Variants in ADAM12 observed in about 807,000 individuals in gnomAD.
ADAM12 encodes ADAM metallopeptidase domain 12.
ADAM12 carries 70 observed loss-of-function variants against 106.4 expected under a neutral mutation model. The observed-to-expected ratio is 0.66, with a 90% confidence interval of 0.54 to 0.80. ADAM12 has a LOEUF of 0.80. Among genes scored for constraint, ADAM12 ranks in the 30% least tolerant of loss-of-function variants. The probability of loss-of-function intolerance (pLI) is 0.00; values close to 1 mark genes in which losing one functional copy is unlikely to be tolerated. For missense variants in ADAM12, 1,010 were observed against 1,171.9 expected, an observed-to-expected ratio of 0.86 and a Z score of 2.02; for synonymous variants, 420 against 433.5, an observed-to-expected ratio of 0.97 and a Z score of 0.39.
At chr10:126,039,812 G>C (rs1170291646) in intron 18 of ADAM12, among the ~76,000 whole-genome samples, 1 of 152,210 alleles carries the variant, frequency 6.6e-6, no homozygotes, top group Non-Finnish European at 1.5e-5. Flanking sequence ...AATGTTTCCA[G>C]TCCCCAGCAC....
chr10:126,380,628 G>A (rs1021982369), intron 1 of ADAM12, among the ~76,000 whole-genome samples: 2 of 152,168 alleles, frequency 1.3e-5, no homozygotes. Flanking sequence ...CAATGTGCTG[G>A]TATGACAATT....
chr10:126,095,707 C>A (rs943191789), intron 10 of ADAM12, among the ~76,000 whole-genome samples: 2 of 151,940 alleles, frequency 1.3e-5, no homozygotes, highest in African/African-American at 4.8e-5. Context: ...AGCCCCCTTG[C>A]CATGTGATCC....
In ADAM12 at chr10:126,253,651, C is replaced by T. The variant is rs184541833; in HGVS notation, c.260+25264G>A. ...CCCAGAGAAAACCCTGCTCCTCTGA[C>T]AGCTCCTGGACTCACTTTGCTTGAG... On this transcript the variant is annotated intron_variant, in intron 3 of 22. Transcript: ENST00000448723. Among the ~76,000 whole-genome samples the T allele has an allele frequency of 2.0e-3, 304 of 152,286 alleles. 2 individuals carry two copies. Among genetic ancestry groups the T allele is most frequent in the Middle Eastern group, 6.8e-3 (2 of 294 alleles).
In ADAM12 at chr10:126,064,541, C is replaced by T. The variant is rs1281898234; in HGVS notation, c.1609+265G>A. ...CATCTTCTGTATCCCCCGGGGCGCA[C>T]AGTAGGTGCTCCTGCAGCTCCTGTT... On this transcript the variant is annotated intron_variant, in intron 14 of 22. Transcript: ENST00000448723. This position sits in a 1 kb window ranked among gnomAD's most constrained non-coding sequence, Gnocchi z 4.4. 6.6e-6 allele frequency among the ~76,000 whole-genome samples: 1 copy of T among 152,120 alleles called. No homozygotes were observed. Among genetic ancestry groups the T allele is most frequent in the African/African-American group, 2.4e-5 (1 of 41,418 alleles).
chr10:126,318,562 A>ACACT (rs1564730022), intron 2 of ADAM12, among the ~76,000 whole-genome samples: 1 of 150,798 alleles, frequency 6.6e-6, no homozygotes, highest in African/African-American at 2.4e-5. Flanking sequence ...TCACATTCAC[A>ACACT]CTCACACACT....
At chr10:126,040,888 A>C (rs1954150315) in intron 18 of ADAM12, among the ~76,000 whole-genome samples, 1 of 151,812 alleles carries the variant, frequency 6.6e-6, no homozygotes, top group Non-Finnish European at 1.5e-5. Context: ...GACTGACTCC[A>C]TTTCCCTCTT....
intron 3 of ADAM12, among the ~76,000 whole-genome samples, chr10:126,234,447 G>A (rs1958375317): frequency 6.6e-6 from 1 of 152,260 alleles, no homozygotes; most frequent in South Asian, 2.1e-4. Flanking sequence ...GCAGATTAAC[G>A]CTGCATCTAA....
At position 126,369,163 on chromosome 10, in the gene ADAM12, A is replaced by G. The variant is rs552950619; in HGVS notation, c.88+18895T>C. On this transcript the variant is annotated intron_variant, in intron 1 of 22. Transcript: ENST00000448723. ...TTTCCAAATGTGAAAATTCATTTAC[A>G]TGAAAGGTTGTACAAACACAAAAAA... 2.4e-3 allele frequency among the ~76,000 whole-genome samples: 360 copies of G among 152,312 alleles called. 8 individuals are homozygous for G. In the South Asian group the frequency reaches 0.025, roughly 10 times the overall value.
Position 126,388,124 on chromosome 10 carries a change from CG to C in ADAM12, c.21del (p.Val8CysfsTer24), listed in dbSNP as rs1856743279. On this transcript the variant is annotated frameshift_variant, in exon 1 of 23. Transcript: ENST00000448723. LOFTEE classifies it high-confidence loss of function. The surrounding 1 kb of genome is among the most constrained non-coding windows in gnomAD (Gnocchi z 4.4). Reference sequence around the variant, plus strand: ...AGCAGGAGGGCGCGGGCGGGGGACACGGGCAGCGGGCGCGCTGCCATCGTCG... The same window carrying C: ...AGCAGGAGGGCGCGGGCGGGGGACACGGCAGCGGGCGCGCTGCCATCGTCG... MAARPL[P>X]VSPARALLLA... 2 of 1,219,400 alleles carry C rather than the reference CG, an allele frequency of 1.6e-6. No individual in the cohort carries two copies. Among genetic ancestry groups the C allele is most frequent in the East Asian group, 6.6e-5 (2 of 30,218 alleles). The allele number at this position is 1,219,400 out of a possible 1,614,324, so 75.5% of individuals were successfully genotyped here.
chr10:126,273,955 A>G (rs1409376618), intron 3 of ADAM12, among the ~76,000 whole-genome samples: 2 of 152,158 alleles, frequency 1.3e-5, no homozygotes, highest in African/African-American at 4.8e-5. Context: ...TGCTGTTGGG[A>G]GCAATGCTGC....
chr10:126,307,082 A>T (rs935245258), intron 2 of ADAM12, among the ~76,000 whole-genome samples: 2 of 151,980 alleles, frequency 1.3e-5, no homozygotes, highest in African/African-American at 4.8e-5. Context: ...ATGTCTATTG[A>T]TCTGTCTTCA....
intron 2 of ADAM12, among the ~76,000 whole-genome samples, chr10:126,314,357 A>AG (rs554257285): frequency 7.2e-4 from 110 of 152,228 alleles, no homozygotes; most frequent in African/African-American, 2.6e-3. Flanking sequence ...ATATGGTGTG[A>AG]GGGGGGTGCT....
At chr10:126,336,578 C>T (rs1465557070) in intron 1 of ADAM12, among the ~76,000 whole-genome samples, 2 of 152,132 alleles carry the variant, frequency 1.3e-5, no homozygotes, top group Non-Finnish European at 2.9e-5. Flanking sequence ...TGAGTACTCT[C>T]CAGCATACTC....
intron 3 of ADAM12, among the ~76,000 whole-genome samples, chr10:126,195,122 T>G (rs1957573083): frequency 6.6e-6 from 1 of 152,118 alleles, no homozygotes; most frequent in African/African-American, 2.4e-5. Flanking sequence ...TGGAGAGATG[T>G]GGGTCAAAGG....
At chr10:126,158,414 G>C (rs1449272038) in intron 3 of ADAM12, among the ~76,000 whole-genome samples, 1 of 132,852 alleles carries the variant, frequency 7.5e-6, no homozygotes, top group African/African-American at 2.8e-5. Flanking sequence ...AGAGCACGGA[G>C]AGAGGATGCA....
intron 3 of ADAM12, among the ~76,000 whole-genome samples, chr10:126,158,651 G>A (rs66885000): frequency 0.64 from 54,979 of 85,404 alleles, 20,975 homozygotes; most frequent in East Asian, 0.79. Flanking sequence ...CAGAGCATGG[G>A]TTGGGGGATG....
chr10:126,162,229 G>A (rs1039028545), intron 3 of ADAM12, among the ~76,000 whole-genome samples: 21 of 152,168 alleles, frequency 1.4e-4, no homozygotes, highest in African/African-American at 3.9e-4. Context: ...GCCTGGGGAG[G>A]GGGTGCCCAA....
chr10:126,304,740 C>A (rs1440721152), intron 2 of ADAM12, among the ~76,000 whole-genome samples: 1 of 151,834 alleles, frequency 6.6e-6, no homozygotes, highest in Non-Finnish European at 1.5e-5. Flanking sequence ...ATATAAAGAA[C>A]TGTTAATCAC....
chr10:126,219,759 C>T (rs548435798), intron 3 of ADAM12, among the ~76,000 whole-genome samples: 53 of 152,234 alleles, frequency 3.5e-4, no homozygotes, highest in Non-Finnish European at 6.8e-4. Flanking sequence ...TAATTAATGC[C>T]ACCTATTTAA....
Sources: gnomAD v4.1 joint callset for allele counts (sites outside exome capture counted in the v4.1 genomes callset) on GRCh38, gnomAD v4.1.1 for gene constraint, Gnocchi (gnomAD v3.1) non-coding constraint, MANE v1.5 for transcripts, NCBI Gene and HGNC (gene_info 2026-07-23, HGNC 2026-07-21) for gene names.